Variants in LCP2 observed in about 807,000 individuals in gnomAD.
The protein encoded by LCP2 is lymphocyte cytosolic protein 2, also known as 76 kDa tyrosine phosphoprotein.
Under a neutral mutation model 74.5 loss-of-function variants are expected in LCP2, and 29 were observed. The ratio of observed to expected loss-of-function variants is 0.39; its 90% CI spans 0.29 to 0.53. LCP2 has a LOEUF of 0.53. Among genes scored for constraint, LCP2 ranks in the 20% least tolerant of loss-of-function variants. The probability of loss-of-function intolerance (pLI) is 0.72; values close to 1 mark genes in which losing one functional copy is unlikely to be tolerated. For synonymous variants in LCP2, 228 were observed against 229.5 expected, an observed-to-expected ratio of 0.99 and a Z score of 0.06; for missense variants, 604 against 634.6, an observed-to-expected ratio of 0.95 and a Z score of 0.52.
chr5:170,290,307 T>A (rs1581076798), intron 2 of LCP2, among the ~76,000 whole-genome samples: 1 of 152,300 alleles, frequency 6.6e-6, no homozygotes, highest in East Asian at 1.9e-4. Context: ...ACATGGCTGC[T>A]TGCCTACCCA....
chr5:170,258,246 T>A, intron 15 of LCP2, 80 bp from the exon 16 acceptor site: 12 of 1,459,764 alleles, frequency 8.2e-6, no homozygotes, highest in Non-Finnish European at 9.6e-6. Context: ...CGCCCCCCAG[T>A]TAGAAACAGC....
At chr5:170,297,403 G>T in intron 1 of LCP2, 131 bp downstream of exon 1, 1 of 729,888 alleles carries the variant, frequency 1.4e-6, no homozygotes, top group Non-Finnish European at 2.3e-6. Flanking sequence ...CACTCAACCA[G>T]TAAAGTTGCC....
At chr5:170,263,443 T>C (rs1179020286) in intron 10 of LCP2, among the ~76,000 whole-genome samples, 8 of 152,190 alleles carry the variant, frequency 5.3e-5, no homozygotes, top group Admixed American at 5.2e-4. Flanking sequence ...GTGAAACACT[T>C]GATATTAAAT....
intron 3 of LCP2, 70 bp downstream of exon 3, chr5:170,287,900 C>T: frequency 2.1e-6 from 3 of 1,395,504 alleles, no homozygotes; most frequent in Non-Finnish European, 2.0e-6. Context: ...ACTGACCCAG[C>T]CCCCACTCAC....
At chr5:170,280,374 C>A (rs113277208) in intron 3 of LCP2, among the ~76,000 whole-genome samples, 1 of 152,084 alleles carries the variant, frequency 6.6e-6, no homozygotes, top group African/African-American at 2.4e-5. Flanking sequence ...GCCCTGCTCT[C>A]GCTCTGCATT....
chr5:170,277,782 A>C (rs1762032289), intron 3 of LCP2, among the ~76,000 whole-genome samples: 1 of 151,636 alleles, frequency 6.6e-6, no homozygotes, highest in Admixed American at 6.6e-5. Context: ...TGGTATCCAA[A>C]CCTCCTACCT....
intron 3 of LCP2, among the ~76,000 whole-genome samples, chr5:170,280,285 C>G (rs73804026): frequency 0.038 from 5,772 of 152,124 alleles, 139 homozygotes; most frequent in Middle Eastern, 0.088. Context: ...GCCTCTCCCC[C>G]TGTGCTGTTC....
intron 3 of LCP2, among the ~76,000 whole-genome samples, chr5:170,282,474 T>G (rs1208275468): frequency 6.6e-6 from 1 of 152,132 alleles, no homozygotes; most frequent in Non-Finnish European, 1.5e-5. Flanking sequence ...TCTGATTGCC[T>G]AAATGACTTC....
chr5:170,260,633 C>T (rs1423084766), intron 14 of LCP2, among the ~76,000 whole-genome samples: 1 of 152,234 alleles, frequency 6.6e-6, no homozygotes, highest in South Asian at 2.1e-4. Flanking sequence ...CTAAAACTGA[C>T]AGCATCCCTC....
At chr5:170,294,463 T>C (rs1363312925) in intron 1 of LCP2, among the ~76,000 whole-genome samples, 1 of 152,212 alleles carries the variant, frequency 6.6e-6, no homozygotes, top group Admixed American at 6.5e-5. Context: ...ATTTGAAGTA[T>C]CTCTCAACTT....
At chr5:170,274,180 T>A in intron 6 of LCP2, 121 bp downstream of exon 6, 1 of 1,042,994 alleles carries the variant, frequency 9.6e-7, no homozygotes, top group Admixed American at 2.0e-5. Flanking sequence ...TTCTGGGCCC[T>A]GGGTGGGTGT....
chr5:170,265,667 C>G (rs1013981464), intron 10 of LCP2, among the ~76,000 whole-genome samples: 6 of 152,208 alleles, frequency 3.9e-5, no homozygotes, highest in African/African-American at 1.4e-4. Flanking sequence ...TTGCATGACA[C>G]AGCAGAGCTG....
intron 1 of LCP2, among the ~76,000 whole-genome samples, chr5:170,295,102 G>C (rs1762351111): frequency 6.6e-6 from 1 of 152,026 alleles, no homozygotes; most frequent in East Asian, 1.9e-4. Context: ...ATACCAGCTG[G>C]GACCCCACCT....
At chr5:170,293,943 G>A (rs973726047) in intron 1 of LCP2, among the ~76,000 whole-genome samples, 7 of 152,188 alleles carry the variant, frequency 4.6e-5, no homozygotes, top group Non-Finnish European at 4.4e-5. Context: ...TTACCAAGCT[G>A]CTGTTTCAAT....
In LCP2 at chr5:170,249,362, G is replaced by GTGTATATA. The variant is rs549497220; in HGVS notation, c.1480-544_1480-543insTATATACA. 1.0e-4 allele frequency among the ~76,000 whole-genome samples: 11 copies of GTGTATATA among 108,134 alleles called. No individual in the cohort carries two copies. In the East Asian group the frequency reaches 1.5e-3, roughly 15 times the overall value. The allele number at this position is 108,134 out of a possible 152,430, so 70.9% of individuals were successfully genotyped here. A position where few individuals can be genotyped will look rare whatever the true frequency, so the allele number is the denominator to read the frequency against. On this transcript the variant is annotated intron_variant, in intron 20 of 20. Transcript: ENST00000046794. ...ATAGATAAAATATGTGCATGCGTGT[G>GTGTATATA]TATATATATATATATATATCTACAT... is the stretch of plus-strand genomic sequence containing the variant.
chr5:170,287,422 C>T (rs1162357443), intron 3 of LCP2, among the ~76,000 whole-genome samples: 1 of 152,212 alleles, frequency 6.6e-6, no homozygotes, highest in Non-Finnish European at 1.5e-5. Context: ...CATGGCATGA[C>T]ATGCATACTG....
At chr5:170,262,781 T>C (rs1761680719) in intron 12 of LCP2, 39 bp from the exon 13 acceptor site, 1 of 1,612,916 alleles carries the variant, frequency 6.2e-7, no homozygotes, top group Non-Finnish European at 8.5e-7. Context: ...GAAACAAACT[T>C]TGCCGAGGCA....
chr5:170,284,931 A>G (rs866369479), intron 3 of LCP2, among the ~76,000 whole-genome samples: 5 of 152,036 alleles, frequency 3.3e-5, no homozygotes, highest in Non-Finnish European at 7.4e-5. Context: ...TTGTATTTTT[A>G]GTAGAGATGG....
chr5:170,296,693 C>T (rs2113222660), intron 1 of LCP2, among the ~76,000 whole-genome samples: 1 of 152,330 alleles, frequency 6.6e-6, no homozygotes, highest in East Asian at 1.9e-4. Context: ...TCTGCCCAAG[C>T]AGATGCGTTG....
Sources: allele counts gnomAD v4.1 joint callset (sites outside exome capture counted in the v4.1 genomes callset), GRCh38; gene constraint gnomAD v4.1.1; transcripts MANE v1.5; gene names NCBI Gene and HGNC (gene_info 2026-07-23, HGNC 2026-07-21).